The following NELL2 variants were observed in gnomAD, a reference collection of about 807,000 sequenced individuals.
NELL2 encodes the protein protein kinase C-binding protein NELL2.
In NELL2, 41 loss-of-function variants were observed where a neutral mutation model predicts 109.6. The observed-to-expected ratio is 0.37, with a 90% CI of 0.29 to 0.49. The LOEUF (loss-of-function observed/expected upper bound fraction) is 0.49. NELL2 is among the 20% of genes least tolerant of loss of function. The pLI is 0.98. For synonymous variants in NELL2, 355 were observed against 344.7 expected, an observed-to-expected ratio of 1.03 and a Z score of -0.33; for missense variants, 900 against 1,008.3, an observed-to-expected ratio of 0.89 and a Z score of 1.45.
rs145002121 is a variant in NELL2 at position 44,759,296 on chromosome 12, C to T, written c.994+15451G>A. Among the ~76,000 whole-genome samples the T allele has an allele frequency of 4.7e-3, 720 of 152,278 alleles. 5 individuals are homozygous for T. The highest frequency in any genetic ancestry group is 0.016 in the African/African-American group (676 of 41,564). ...CAATGTGACTTTACAGGTTCTCCAT[C>T]ACCTGTACTGGCCTTGTGACTTGAG... On this transcript the variant is annotated intron_variant, in intron 9 of 19. Coordinates refer to ENST00000429094, the MANE Select transcript of NELL2 (RefSeq NM_001145108.2).
intron 9 of NELL2, among the ~76,000 whole-genome samples, chr12:44,732,456 A>T (rs1939419944): frequency 6.6e-6 from 1 of 152,048 alleles, no homozygotes; most frequent in Non-Finnish European, 1.5e-5. Context: ...CACAATGGGG[A>T]AAAGATAGTC....
At chr12:44,705,038 C>G in intron 11 of NELL2, among the ~76,000 whole-genome samples, 1 of 143,918 alleles carries the variant, frequency 6.9e-6, no homozygotes, top group South Asian at 2.2e-4. Context: ...AAAAAAAGGA[C>G]TAAAAAAGTA....
At chr12:44,616,409 C>T (rs916707458) in intron 13 of NELL2, among the ~76,000 whole-genome samples, 2 of 148,962 alleles carry the variant, frequency 1.3e-5, no homozygotes, top group East Asian at 2.0e-4. Context: ...ATAAATTTCA[C>T]GTAAGTAAAT....
intron 9 of NELL2, among the ~76,000 whole-genome samples, chr12:44,746,142 C>T (rs1406794715): frequency 2.0e-5 from 3 of 152,054 alleles, no homozygotes; most frequent in Non-Finnish European, 2.9e-5. Flanking sequence ...GAAATAATGC[C>T]GCGTATCTAC....
intron 13 of NELL2, among the ~76,000 whole-genome samples, chr12:44,633,544 G>A (rs1566055888): frequency 6.6e-6 from 1 of 152,082 alleles, no homozygotes; most frequent in Admixed American, 6.6e-5. Context: ...TACTAATGGA[G>A]AGCCAAGTCT....
intron 8 of NELL2, 30 bp from the exon 9 acceptor site, chr12:44,774,879 C>A: frequency 1.3e-6 from 2 of 1,526,002 alleles, no homozygotes; most frequent in Non-Finnish European, 1.8e-6. Context: ...TAAAGAATTT[C>A]CATGTTAGAG....
At chr12:44,636,398 A>G (rs1334138686) in intron 13 of NELL2, among the ~76,000 whole-genome samples, 1 of 152,194 alleles carries the variant, frequency 6.6e-6, no homozygotes, top group African/African-American at 2.4e-5. Flanking sequence ...TTGCCCATTC[A>G]GTATGATATT....
intron 13 of NELL2, among the ~76,000 whole-genome samples, chr12:44,653,273 A>G (rs147568335): frequency 4.9e-4 from 75 of 152,330 alleles, no homozygotes; most frequent in African/African-American, 1.7e-3. Context: ...GGTATGTAAC[A>G]TCATTCCATT....
intron 9 of NELL2, among the ~76,000 whole-genome samples, chr12:44,743,466 G>A (rs1940127299): frequency 6.6e-6 from 1 of 152,098 alleles, no homozygotes; most frequent in African/African-American, 2.4e-5. Context: ...AACTTTAAAT[G>A]TTAATGGGCT....
At position 44,788,182 on chromosome 12, in the gene NELL2, G is replaced by A. The variant is rs897427100; in HGVS notation, c.336-8160C>T. ...CAGGACTAGATTGCAGCTCCAACTCGGATAGACAGAGCAGTGTGTGGAGGC... is the reference window on the plus strand; with the variant it reads ...CAGGACTAGATTGCAGCTCCAACTCAGATAGACAGAGCAGTGTGTGGAGGC... On this transcript the variant is annotated intron_variant, in intron 3 of 19. Coordinates refer to ENST00000429094, the MANE Select transcript of NELL2 (RefSeq NM_001145108.2). Among the ~76,000 whole-genome samples the A allele has an allele frequency of 2.0e-5, 3 of 152,260 alleles. No individual in the cohort carries two copies. The South Asian group carries it at 6.2e-4, about 32-fold the overall frequency.
At chr12:44,642,831 G>A (rs1311250205) in intron 13 of NELL2, among the ~76,000 whole-genome samples, 2 of 152,104 alleles carry the variant, frequency 1.3e-5, no homozygotes, top group East Asian at 1.9e-4. Flanking sequence ...GCAGTGATCC[G>A]AGATCACGCC....
intron 2 of NELL2, among the ~76,000 whole-genome samples, chr12:44,841,331 T>C (rs957603403): frequency 6.6e-6 from 1 of 152,176 alleles, no homozygotes; most frequent in African/African-American, 2.4e-5. Flanking sequence ...ATCACATGCT[T>C]TCAAGAATCT....
At chr12:44,718,753 G>A (rs555890521) in intron 9 of NELL2, among the ~76,000 whole-genome samples, 1 of 152,304 alleles carries the variant, frequency 6.6e-6, no homozygotes, top group African/African-American at 2.4e-5. Context: ...GACTAAGAAT[G>A]CTATACCATT....
chr12:44,620,537 C>G (rs982660524), intron 13 of NELL2, among the ~76,000 whole-genome samples: 1 of 152,114 alleles, frequency 6.6e-6, no homozygotes, highest in Admixed American at 6.5e-5. Context: ...ACTTCACCAG[C>G]AACCTCACAG....
chr12:44,813,025 G>A (rs1943228770), intron 3 of NELL2, among the ~76,000 whole-genome samples: 1 of 152,142 alleles, frequency 6.6e-6, no homozygotes, highest in South Asian at 2.1e-4. Flanking sequence ...GTATGATTAT[G>A]AGAGGTTTGT....
chr12:44,890,969 A>G (rs935210610), intron 1 of NELL2, among the ~76,000 whole-genome samples: 4 of 152,144 alleles, frequency 2.6e-5, no homozygotes, highest in African/African-American at 7.2e-5. Context: ...ACCTCAGGTG[A>G]TCCACCCGCC....
chr12:44,578,377 G>A (rs914491858), intron 15 of NELL2, among the ~76,000 whole-genome samples: 11 of 151,302 alleles, frequency 7.3e-5, no homozygotes, highest in African/African-American at 1.2e-4. Context: ...TAAGTAAAAC[G>A]ATAGAAATCT....
intron 3 of NELL2, among the ~76,000 whole-genome samples, chr12:44,804,797 A>T (rs1382995158): frequency 6.6e-6 from 1 of 151,954 alleles, no homozygotes; most frequent in Non-Finnish European, 1.5e-5. Flanking sequence ...ATGGTAGATT[A>T]AAAAAAGAGA....
chr12:44,644,240 A>G (rs938500716), intron 13 of NELL2, among the ~76,000 whole-genome samples: 8 of 152,152 alleles, frequency 5.3e-5, no homozygotes, highest in Non-Finnish European at 8.8e-5. Context: ...GCTTTTGTAA[A>G]AAGCAATAAA....
Sources: allele counts gnomAD v4.1 joint callset (sites outside exome capture counted in the v4.1 genomes callset), GRCh38; gene constraint gnomAD v4.1.1; transcripts MANE v1.5; gene names NCBI Gene and HGNC (gene_info 2026-07-23, HGNC 2026-07-21).